The following RTKN2 variants were observed in gnomAD, a reference collection of about 807,000 sequenced individuals.
RTKN2 encodes the protein rhotekin-2.
Under a neutral mutation model 71.5 loss-of-function variants are expected in RTKN2, and 69 were observed. That is an observed-to-expected ratio of 0.96 (90% CI 0.79 to 1.18). RTKN2 has a LOEUF of 1.18. RTKN2 is among the 50% of genes most tolerant of loss of function. The pLI, the probability that RTKN2 is intolerant of heterozygous loss-of-function variation, is 0.00. For missense variants in RTKN2, 724 were observed against 719.7 expected, an observed-to-expected ratio of 1.01 and a Z score of -0.07; for synonymous variants, 236 against 236.5, an observed-to-expected ratio of 1.00 and a Z score of 0.02.
chr10:62,201,131 C>G (rs962249144), intron 10 of RTKN2, among the ~76,000 whole-genome samples: 2 of 152,054 alleles, frequency 1.3e-5, no homozygotes, highest in Non-Finnish European at 2.9e-5. Flanking sequence ...TATAGCCTAT[C>G]TTATACCAAT....
At chr10:62,186,291 T>C (rs1841135781) in intron 8 of RTKN2, among the ~76,000 whole-genome samples, 1 of 152,196 alleles carries the variant, frequency 6.6e-6, no homozygotes, top group African/African-American at 2.4e-5. Flanking sequence ...ATTCAGAGAG[T>C]GAGAAGTTCC....
chr10:62,266,483 G>T (rs923465024), intron 1 of RTKN2, among the ~76,000 whole-genome samples: 3 of 152,166 alleles, frequency 2.0e-5, no homozygotes, highest in Non-Finnish European at 1.5e-5. Flanking sequence ...TGGATTTTAA[G>T]AATTGTTTAT....
intron 9 of RTKN2, among the ~76,000 whole-genome samples, chr10:62,209,128 C>T (rs770253150): frequency 5.3e-5 from 8 of 151,876 alleles, no homozygotes; most frequent in Non-Finnish European, 1.0e-4. Context: ...ATTAGCTGGG[C>T]GTGGTGGCGC....
At chr10:62,245,030 T>C (rs1842450987) in intron 3 of RTKN2, among the ~76,000 whole-genome samples, 1 of 152,178 alleles carries the variant, frequency 6.6e-6, no homozygotes, top group Non-Finnish European at 1.5e-5. Flanking sequence ...AATGGAGGTA[T>C]ATACTATTGT....
At chr10:62,262,134 G>A (rs757913890) in intron 2 of RTKN2, among the ~76,000 whole-genome samples, 6 of 152,156 alleles carry the variant, frequency 3.9e-5, no homozygotes, top group African/African-American at 9.7e-5. Flanking sequence ...ATGTCCTTGA[G>A]GTTTTTTGCC....
At chr10:62,184,417 A>C (rs3125730) in intron 8 of RTKN2, 1,298,297 of 1,299,276 alleles carry the variant, frequency 1, 648,660 homozygotes, top group East Asian at 1. Context: ...ACCTTTAGTC[A>C]CCCACAGAGG....
chr10:62,198,066 C>T lies in RTKN2; in HGVS notation c.1672G>A (p.Ala558Thr), dbSNP rs571337539. 12 of 1,613,924 alleles carry T rather than the reference C, an allele frequency of 7.4e-6. No homozygotes were observed. Among genetic ancestry groups the T allele is most frequent in the Non-Finnish European group, 1.0e-5 (12 of 1,179,954 alleles). Reference sequence around the variant, plus strand: ...CTGGCAGGCAGAAGTTTTCGAGGAGCAGCCATTGGTTTCTGTAAGTGATGC... The same window carrying T: ...CTGGCAGGCAGAAGTTTTCGAGGAGTAGCCATTGGTTTCTGTAAGTGATGC... The part of the protein sequence containing the change: ...LMHHLQKPMA[A>T]PRKLLPARRN... The change falls in exon 12 of 12, where the codon GCT (alanine) becomes ACT (threonine). Residue 558 changes from alanine (A) to threonine (T), a missense_variant. Physicochemically the swap from Ala to Thr is moderately conservative, Grantham distance 58 (BLOSUM62 0). Transcript: ENST00000373789.
At chr10:62,215,175 G>A in intron 9 of RTKN2, 4 of 825,854 alleles carry the variant, frequency 4.8e-6, no homozygotes, top group South Asian at 4.1e-5. Context: ...AAAATTAGTA[G>A]GATTTCATTT....
chr10:62,200,436 C>T (rs926616144), intron 10 of RTKN2, among the ~76,000 whole-genome samples: 2 of 148,538 alleles, frequency 1.3e-5, no homozygotes, highest in African/African-American at 2.5e-5. Context: ...GCTAAAATCT[C>T]TAGGCTATTA....
In RTKN2 at chr10:62,262,883, T is replaced by C. The variant is rs1000022942; in HGVS notation, c.61-62A>G. The C allele has an allele frequency of 2.8e-5, 30 of 1,060,088 alleles. No individual in the cohort carries two copies. In the South Asian group the frequency reaches 4.1e-4, roughly 14 times the overall value. 65.7% of individuals were successfully genotyped at this position (1,060,088 alleles called of 1,614,324 possible). Reference sequence around the variant, plus strand: ...CCCAAAATTACATCTTAACCCATAATAGATCGAAAATAGGTATCATAATTG... The same window carrying C: ...CCCAAAATTACATCTTAACCCATAACAGATCGAAAATAGGTATCATAATTG... On this transcript the variant is annotated intron_variant, in intron 1 of 11. Coordinates refer to ENST00000373789, the MANE Select transcript of RTKN2 (RefSeq NM_145307.4).
chr10:62,250,531 G>A (rs1842561020), intron 2 of RTKN2, among the ~76,000 whole-genome samples: 1 of 152,216 alleles, frequency 6.6e-6, no homozygotes. Flanking sequence ...TCTCTTCTTA[G>A]CCATGGTTTT....
In RTKN2 at chr10:62,195,440, A is replaced by G. The variant is rs865957051; in HGVS notation, c.*2468T>C. 7.1e-6 allele frequency: 7 copies of G among 980,694 alleles called. No homozygotes were observed. Among genetic ancestry groups the G allele is most frequent in the African/African-American group, 1.8e-5 (1 of 57,052 alleles). The allele number at this position is 980,694 out of a possible 1,614,324, so 60.7% of individuals were successfully genotyped here. On this transcript the variant is annotated 3_prime_UTR_variant, in exon 12 of 12. Transcript: ENST00000373789. ...ACACTCTTTGACACAGTGCTTAACT[A>G]TTTTTAGATTTTTTTTTTAAACTGT...
At chr10:62,236,700 A>AC (rs1842266112) in intron 5 of RTKN2, among the ~76,000 whole-genome samples, 1 of 152,070 alleles carries the variant, frequency 6.6e-6, no homozygotes, top group Non-Finnish European at 1.5e-5. Context: ...CATTATTCAC[A>AC]ATCGCCAAGG....
At chr10:62,231,369 A>G (rs573716804) in intron 6 of RTKN2, among the ~76,000 whole-genome samples, 25 of 152,342 alleles carry the variant, frequency 1.6e-4, no homozygotes, top group African/African-American at 5.8e-4. Context: ...AATAAAATGA[A>G]TAGATGAATC....
intron 6 of RTKN2, among the ~76,000 whole-genome samples, chr10:62,227,633 G>A (rs1433877854): frequency 6.6e-6 from 1 of 152,150 alleles, no homozygotes; most frequent in Non-Finnish European, 1.5e-5. Context: ...TGCAGCAAAT[G>A]GTAGGTTCCG....
chr10:62,194,240 C>A lies in RTKN2; in HGVS notation c.*3668G>T. 1 of 985,024 alleles carries A rather than the reference C, an allele frequency of 1.0e-6. No individual in the cohort carries two copies. Among genetic ancestry groups the A allele is most frequent in the Non-Finnish European group, 1.2e-6 (1 of 829,618 alleles). The allele number at this position is 985,024 out of a possible 1,614,324, so 61.0% of individuals were successfully genotyped here. Reference sequence around the variant, plus strand: ...TTGTCTTTTAAAAACCCAAAGGTAACATCTTTCCCAGAGTTAACTAAGAAC... The same window carrying A: ...TTGTCTTTTAAAAACCCAAAGGTAAAATCTTTCCCAGAGTTAACTAAGAAC... On this transcript the variant is annotated 3_prime_UTR_variant, in exon 12 of 12. Coordinates refer to ENST00000373789, the MANE Select transcript of RTKN2 (RefSeq NM_145307.4).
chr10:62,220,569 A>G (rs1841884230), intron 7 of RTKN2, among the ~76,000 whole-genome samples: 3 of 152,196 alleles, frequency 2.0e-5, no homozygotes, highest in Non-Finnish European at 4.4e-5. Context: ...AGTAAGAAAC[A>G]CGAAGGATAC....
At position 62,226,913 on chromosome 10, in the gene RTKN2, A is replaced by G. The variant is rs190006897; in HGVS notation, c.687-3581T>C. On this transcript the variant is annotated intron_variant, in intron 6 of 11. Coordinates refer to ENST00000373789, the MANE Select transcript of RTKN2 (RefSeq NM_145307.4). ...GAGGCGGAGGCTGCAGTGAGCCAAG[A>G]TCGTGCCACTGCACTCCAGCCTGAG... Among the ~76,000 whole-genome samples, 20 of 152,336 alleles carry G rather than the reference A, an allele frequency of 1.3e-4. No homozygotes were observed. The East Asian group carries it at 3.9e-3, about 29-fold the overall frequency.
At chr10:62,246,305 TA>T (rs1351163451) in intron 2 of RTKN2, among the ~76,000 whole-genome samples, 2 of 152,096 alleles carry the variant, frequency 1.3e-5, no homozygotes, top group African/African-American at 4.8e-5. Flanking sequence ...GTATACTGGT[TA>T]CTTTACAATG....
Sources: allele counts gnomAD v4.1 joint callset (sites outside exome capture counted in the v4.1 genomes callset), GRCh38; gene constraint gnomAD v4.1.1; transcripts MANE v1.5; gene names NCBI Gene and HGNC (gene_info 2026-07-23, HGNC 2026-07-21).